SEC11A: variants seen among roughly 807,000 people sequenced by gnomAD.
SEC11A encodes SEC11 homolog A, signal peptidase complex subunit, also known as signal peptidase complex catalytic subunit SEC11A.
In SEC11A, 14 loss-of-function variants were observed where a neutral mutation model predicts 25.6. The ratio of observed to expected loss-of-function variants is 0.55; its 90% CI spans 0.36 to 0.85. SEC11A has a LOEUF of 0.85. Ranked by LOEUF, SEC11A falls within the 40% of genes least tolerant of loss-of-function variation. The probability of loss-of-function intolerance (pLI) is 0.01; values close to 1 mark genes in which losing one functional copy is unlikely to be tolerated. For synonymous variants in SEC11A, 83 were observed against 76.4 expected (o/e 1.09, Z -0.45); for missense variants, 153 against 222.9 (o/e 0.69, Z 2.00).
intron 1 of SEC11A, among the ~76,000 whole-genome samples, chr15:84,703,054 C>A (rs567037170): frequency 2.6e-5 from 4 of 152,232 alleles, no homozygotes; most frequent in African/African-American, 9.6e-5. Context: ...GATAGGGATG[C>A]TATATGGAGC....
chr15:84,707,146 C>G (rs1898118208), intron 1 of SEC11A, among the ~76,000 whole-genome samples: 1 of 147,958 alleles, frequency 6.8e-6, no homozygotes, highest in Admixed American at 6.8e-5. Flanking sequence ...CTTTTAGACT[C>G]TTACTTATCC....
At chr15:84,702,022 G>A (rs560065802) in intron 1 of SEC11A, among the ~76,000 whole-genome samples, 11 of 147,786 alleles carry the variant, frequency 7.4e-5, no homozygotes, top group East Asian at 6.3e-4. Flanking sequence ...AACCGAGATC[G>A]TGCCACTGCA....
intron 4 of SEC11A, among the ~76,000 whole-genome samples, chr15:84,674,785 C>T (rs903057826): frequency 6.6e-6 from 1 of 152,120 alleles, no homozygotes; most frequent in Non-Finnish European, 1.5e-5. Context: ...GTCTCAAACT[C>T]CTGGGCTCCA....
chr15:84,703,426 T>G (rs1244509551), intron 1 of SEC11A, among the ~76,000 whole-genome samples: 1 of 152,326 alleles, frequency 6.6e-6, no homozygotes, highest in Non-Finnish European at 1.5e-5. Context: ...GATGCTACCC[T>G]GCTTCCTCTC....
Position 84,669,939 on chromosome 15 carries a change from C to G in SEC11A, c.*80G>C, listed in dbSNP as rs1896936533. The G allele has an allele frequency of 6.2e-7, 1 of 1,604,934 alleles. No individual in the cohort carries two copies. Among genetic ancestry groups the G allele is most frequent in the African/African-American group, 1.3e-5 (1 of 74,772 alleles). ...ACCAACACGTGTGTTCTCCATTCCA[C>G]CAATCACAGACCAGTATCTACTCCA... On this transcript the variant is annotated 3_prime_UTR_variant, in exon 6 of 6. Transcript: ENST00000268220.
chr15:84,670,975 T>C (rs1896968737), intron 4 of SEC11A, 193 bp from the exon 5 acceptor site: 1 of 430,102 alleles, frequency 2.3e-6, no homozygotes, highest in East Asian at 4.1e-5. Flanking sequence ...ATTTTAGAGA[T>C]GAGGAAACAG....
At chr15:84,675,798 T>C (rs914252536) in intron 4 of SEC11A, among the ~76,000 whole-genome samples, 2 of 152,226 alleles carry the variant, frequency 1.3e-5, no homozygotes, top group Non-Finnish European at 2.9e-5. Flanking sequence ...TAATACTTAA[T>C]TGGTTCAGTA....
rs544088381 is a variant in SEC11A at position 84,707,686 on chromosome 15, A to G, written c.51+8339T>C. 1.3e-4 allele frequency among the ~76,000 whole-genome samples: 20 copies of G among 152,282 alleles called. 1 individual carries two copies. In the South Asian group the frequency reaches 4.1e-3, roughly 32 times the overall value. On this transcript the variant is annotated intron_variant, in intron 1 of 5. Transcript: ENST00000268220. ...CCTTCTGAAGAAGAGTTAAAACCAC[A>G]GTTTCTCCTAAGGGGAGCTCATCTT...
At position 84,669,782 on chromosome 15, in the gene SEC11A, G is replaced by T; in HGVS notation, c.*237C>A. On this transcript the variant is annotated 3_prime_UTR_variant, in exon 6 of 6. Transcript: ENST00000268220. Reference sequence around the variant, plus strand: ...TTCACTGATGTACAAAAATTTGAAAGTGTGACAATGACAATTATGAAATCC... The same window carrying T: ...TTCACTGATGTACAAAAATTTGAAATTGTGACAATGACAATTATGAAATCC... 1 of 512,730 alleles carries T rather than the reference G, an allele frequency of 2.0e-6. No homozygotes were observed. Among genetic ancestry groups the T allele is most frequent in the Non-Finnish European group, 3.3e-6 (1 of 304,750 alleles). The allele number at this position is 512,730 out of a possible 1,614,324, so 31.8% of individuals were successfully genotyped here.
Position 84,680,703 on chromosome 15 carries a change from C to T in SEC11A, c.431+10G>A. 2 of 1,607,700 alleles carry T rather than the reference C, an allele frequency of 1.2e-6. No individual in the cohort carries two copies. Among genetic ancestry groups the T allele is most frequent in the Middle Eastern group, 1.7e-4 (1 of 6,004 alleles). On this transcript the variant is annotated intron_variant, in intron 4 of 5. Transcript: ENST00000268220. ...TATAAAAAGTTTGAGATGCTCCCCT[C>T]TATACTTACCCCCTGGCTCTCCCCA...
intron 1 of SEC11A, 25 bp from the exon 2 acceptor site, chr15:84,691,669 C>T: frequency 4.5e-6 from 6 of 1,337,864 alleles, no homozygotes; most frequent in Non-Finnish European, 5.4e-6. Context: ...CAGAAGAGAT[C>T]AGATCCACCA....
At chr15:84,688,712 C>T (rs1897502437) in intron 2 of SEC11A, among the ~76,000 whole-genome samples, 1 of 152,144 alleles carries the variant, frequency 6.6e-6, no homozygotes. Flanking sequence ...AATTTTGCTG[C>T]ACATTGGAAT....
intron 1 of SEC11A, among the ~76,000 whole-genome samples, chr15:84,703,676 C>T (rs1898013835): frequency 6.6e-6 from 1 of 152,182 alleles, no homozygotes; most frequent in African/African-American, 2.4e-5. Flanking sequence ...GAGATGACTA[C>T]AGATGTAGAT....
intron 2 of SEC11A, among the ~76,000 whole-genome samples, chr15:84,688,018 CAAA>C: frequency 6.6e-6 from 1 of 150,850 alleles, no homozygotes; most frequent in South Asian, 2.1e-4. Context: ...TATCACTAGT[CAAA>C]GAAGCTTAAA....
chr15:84,692,512 A>T (rs1348473786), intron 1 of SEC11A, among the ~76,000 whole-genome samples: 4 of 152,238 alleles, frequency 2.6e-5, no homozygotes, highest in Non-Finnish European at 5.9e-5. Flanking sequence ...CTAAATTTCC[A>T]GTACTCCAAC....
intron 1 of SEC11A, among the ~76,000 whole-genome samples, chr15:84,712,877 T>A (rs1898326655): frequency 6.6e-6 from 1 of 152,176 alleles, no homozygotes; most frequent in Non-Finnish European, 1.5e-5. Context: ...ATATACGTTC[T>A]ATATCTTGAT....
intron 1 of SEC11A, among the ~76,000 whole-genome samples, chr15:84,701,744 A>G (rs749885953): frequency 5.9e-5 from 9 of 152,182 alleles, no homozygotes; most frequent in Non-Finnish European, 1.2e-4. Flanking sequence ...AGAAAAAAAA[A>G]GCAAGCTGGA....
chr15:84,669,670 C>A lies in SEC11A; in HGVS notation c.*349G>T. ...TCGTGCAGAGCTGCATTTTCATTTA[C>A]AAGTCTCTGTAGGCACTTTAGAAGT... On this transcript the variant is annotated 3_prime_UTR_variant, in exon 6 of 6. Transcript: ENST00000268220. 1 of 264,844 alleles carries A rather than the reference C, an allele frequency of 3.8e-6. No homozygotes were observed. Among genetic ancestry groups the A allele is most frequent in the Non-Finnish European group, 7.3e-6 (1 of 136,578 alleles). The allele number at this position is 264,844 out of a possible 1,614,324, so 16.4% of individuals were successfully genotyped here. A position where few individuals can be genotyped will look rare whatever the true frequency, so the allele number is the denominator to read the frequency against.
At chr15:84,700,277 A>G (rs1031808590) in intron 1 of SEC11A, among the ~76,000 whole-genome samples, 4 of 151,794 alleles carry the variant, frequency 2.6e-5, no homozygotes, top group Non-Finnish European at 5.9e-5. Context: ...CAGACCCAGA[A>G]ATGGCAGAAA....
Sources: gnomAD v4.1 joint callset for allele counts (sites outside exome capture counted in the v4.1 genomes callset) on GRCh38, gnomAD v4.1.1 for gene constraint, MANE v1.5 for transcripts, NCBI Gene and HGNC (gene_info 2026-07-23, HGNC 2026-07-21) for gene names.